Variants in AR observed in about 807,000 individuals in gnomAD.
AR encodes the protein androgen receptor.
Under a neutral mutation model 53.9 loss-of-function variants are expected in AR, and 8 were observed. The ratio of observed to expected loss-of-function variants is 0.15; its 90% confidence interval spans 0.09 to 0.27. The LOEUF (loss-of-function observed/expected upper bound fraction) is 0.27, where lower values mean the gene tolerates loss of function less well. AR is among the 10% of genes least tolerant of loss of function. AR has a pLI of 1.00. For missense variants in AR, 639 were observed against 742.5 expected, an observed-to-expected ratio of 0.86 and a Z score of 1.62; for synonymous variants, 359 against 316.4, an observed-to-expected ratio of 1.13 and a Z score of -1.43.
intron 1 of AR, among the ~76,000 whole-genome samples, chrX:67,583,232 G>A (rs777933653): frequency 1.8e-5 from 2 of 112,017 alleles, no homozygotes; most frequent in Non-Finnish European, 3.8e-5. Context: ...CCACTTATTA[G>A]CTTTTTCTAT....
chrX:67,726,193 A>G lies in AR; in HGVS notation c.*2352A>G, dbSNP rs1315629070. ...AAGATGAGTAATATGCCAATCCAAG[A>G]CTGCTGGAGAAAACTAAAGCTGACA... On this transcript the variant is annotated 3_prime_UTR_variant, in exon 8 of 8. Coordinates refer to ENST00000374690, the MANE Select transcript of AR (RefSeq NM_000044.6). 1 of 173,906 alleles carries G rather than the reference A, an allele frequency of 5.8e-6. No individual in the cohort carries two copies. The highest frequency in any genetic ancestry group is 1.1e-5 in the Non-Finnish European group (1 of 91,307). 14.3% of individuals were successfully genotyped at this position (173,906 alleles called of 1,213,427 possible). A position where few individuals can be genotyped will look rare whatever the true frequency, so the allele number is the denominator to read the frequency against.
chrX:67,638,595 T>C (rs1288125111), intron 1 of AR, among the ~76,000 whole-genome samples: 1 of 112,363 alleles, frequency 8.9e-6, no homozygotes, highest in Non-Finnish European at 1.9e-5. Context: ...CTTTTTTTCA[T>C]GTTTGTTGAC....
intron 1 of AR, among the ~76,000 whole-genome samples, chrX:67,616,527 C>T (rs1924127513): frequency 9.0e-6 from 1 of 111,385 alleles, no homozygotes; most frequent in Non-Finnish European, 1.9e-5. Flanking sequence ...AGGACATGAA[C>T]TCATCCTTTT....
At chrX:67,563,779 G>GGA (rs1449221054) in intron 1 of AR, among the ~76,000 whole-genome samples, 4 of 112,433 alleles carry the variant, frequency 3.6e-5, no homozygotes, top group Non-Finnish European at 7.5e-5. Flanking sequence ...GCTAGTCTGA[G>GGA]GAGAGAGGGA....
At chrX:67,721,798 C>T (rs2147535383) in intron 5 of AR, 35 bp from the exon 6 acceptor site, 1 of 1,210,083 alleles carries the variant, frequency 8.3e-7, no homozygotes. Flanking sequence ...TAAACTTCCC[C>T]TCATTCCTTT....
At chrX:67,712,134 A>C (rs2076096470) in intron 4 of AR, among the ~76,000 whole-genome samples, 1 of 111,909 alleles carries the variant, frequency 8.9e-6, no homozygotes, top group African/African-American at 3.2e-5. Flanking sequence ...ATAATATGGT[A>C]TGGTGGAAAG....
At chrX:67,721,199 A>G (rs1165983360) in intron 5 of AR, among the ~76,000 whole-genome samples, 2 of 112,264 alleles carry the variant, frequency 1.8e-5, no homozygotes, top group Non-Finnish European at 3.8e-5. Context: ...TAAACTAGAC[A>G]TTCAAAAACA....
At chrX:67,704,910 C>T (rs934455541) in intron 3 of AR, among the ~76,000 whole-genome samples, 3 of 111,515 alleles carry the variant, frequency 2.7e-5, no homozygotes, top group Non-Finnish European at 5.7e-5. Context: ...GGAATCTTTT[C>T]CCAATTTCTT....
intron 1 of AR, among the ~76,000 whole-genome samples, chrX:67,632,264 C>G (rs1361787453): frequency 4.4e-5 from 5 of 113,399 alleles, no homozygotes; most frequent in African/African-American, 6.4e-5. Context: ...AGTTTGATCT[C>G]AGACTGCTGT....
In AR at chrX:67,728,615, A is replaced by ATATATATATATATAGT. The variant is rs1555999011; in HGVS notation, c.*4774_*4775insTATATATATATATAGT. ...TATATATATATATATATATATATAT[A>ATATATATATATATAGT]GTGTGTGTGTGTGTTCTGATAGCTT... On this transcript the variant is annotated 3_prime_UTR_variant, in exon 8 of 8. Coordinates refer to ENST00000374690, the MANE Select transcript of AR (RefSeq NM_000044.6). 2.2e-5 allele frequency: 2 copies of ATATATATATATATAGT among 92,899 alleles called. No individual in the cohort carries two copies. The highest frequency in any genetic ancestry group is 4.2e-5 in the Non-Finnish European group (2 of 47,881). The allele number at this position is 92,899 out of a possible 1,213,427, so 7.7% of individuals were successfully genotyped here.
chrX:67,659,670 A>G (rs1362357379), intron 2 of AR, among the ~76,000 whole-genome samples: 1 of 111,984 alleles, frequency 8.9e-6, no homozygotes. Flanking sequence ...TAGTGCCATG[A>G]TAAACATACG....
chrX:67,654,161 A>T (rs1311640307), intron 2 of AR, among the ~76,000 whole-genome samples: 1 of 111,266 alleles, frequency 9.0e-6, no homozygotes, highest in Non-Finnish European at 1.9e-5. Flanking sequence ...CTCTATAAGG[A>T]TAATAATAGC....
rs143422758 is a variant in AR, at chrX:67,680,974, C to A, written c.1769-5036C>A. ...CAGAGCCAGCTGGCATGCAGTGGAC[C>A]TCATGCCAGCCCATTTTATGACTAT... is the stretch of plus-strand genomic sequence containing the variant. On this transcript the variant is annotated intron_variant, in intron 2 of 7. Coordinates refer to ENST00000374690, the MANE Select transcript of AR (RefSeq NM_000044.6). The A allele has an allele frequency of 2.4e-4, 50 of 212,406 alleles. No individual in the cohort carries two copies. The East Asian group carries it at 4.6e-3, about 20-fold the overall frequency. The allele number at this position is 212,406 out of a possible 1,213,427, so 17.5% of individuals were successfully genotyped here. A position where few individuals can be genotyped will look rare whatever the true frequency, so the allele number is the denominator to read the frequency against.
Position 67,708,366 on chromosome X carries a change from TTC to T in AR, c.1886-3032_1886-3031del, listed in dbSNP as rs765063742. ...CTTTTTACTCTTTTTTTCTCTAAAC[TTC>T]TCTTCTCGCTTCATTTCATTCATTT... is the stretch of plus-strand genomic sequence containing the variant. On this transcript the variant is annotated intron_variant, in intron 3 of 7. Transcript: ENST00000374690. Among the ~76,000 whole-genome samples the T allele has an allele frequency of 1.9e-3, 214 of 111,776 alleles. 6 individuals are homozygous for T. In the East Asian group the frequency reaches 0.055, roughly 28 times the overall value.
chrX:67,685,100 G>A (rs1045912896), intron 2 of AR, among the ~76,000 whole-genome samples: 2 of 111,251 alleles, frequency 1.8e-5, no homozygotes, highest in East Asian at 2.8e-4. Flanking sequence ...GAAGTTCTGC[G>A]TGTTTCAGAG....
At chrX:67,648,614 A>C (rs1372992121) in intron 2 of AR, among the ~76,000 whole-genome samples, 1 of 112,131 alleles carries the variant, frequency 8.9e-6, no homozygotes, top group South Asian at 3.8e-4. Context: ...AACTCATTGA[A>C]GTTGGTGCCC....
chrX:67,617,932 T>C (rs1323472611), intron 1 of AR, among the ~76,000 whole-genome samples: 1 of 111,907 alleles, frequency 8.9e-6, no homozygotes, highest in Non-Finnish European at 1.9e-5. Context: ...AGGAAAGTGC[T>C]ATGCCAGAGA....
At chrX:67,684,871 T>G (rs915553824) in intron 2 of AR, among the ~76,000 whole-genome samples, 3 of 109,622 alleles carry the variant, frequency 2.7e-5, no homozygotes, top group East Asian at 2.9e-4. Context: ...TTTTTAGTTG[T>G]TTTTTTTTCT....
intron 2 of AR, among the ~76,000 whole-genome samples, chrX:67,652,520 T>C (rs1926393248): frequency 8.9e-6 from 1 of 112,223 alleles, no homozygotes; most frequent in South Asian, 3.7e-4. Context: ...AAAGTGAGGC[T>C]CAGAGAGAGG....
Sources: gnomAD v4.1 joint callset for allele counts (sites outside exome capture counted in the v4.1 genomes callset) on GRCh38, gnomAD v4.1.1 for gene constraint, MANE v1.5 for transcripts, NCBI Gene and HGNC (gene_info 2026-07-23, HGNC 2026-07-21) for gene names.